Variants in CDH13 observed in about 807,000 individuals in gnomAD.
CDH13 encodes cadherin-13.
A neutral mutation model predicts 63.8 loss-of-function variants in CDH13; 24 were observed. The ratio of observed to expected loss-of-function variants is 0.38; its 90% confidence interval spans 0.27 to 0.53. CDH13 has a LOEUF of 0.53. Ranked by LOEUF, CDH13 falls within the 20% of genes least tolerant of loss-of-function variation. The probability of loss-of-function intolerance (pLI) is 0.85; values close to 1 mark genes in which losing one functional copy is unlikely to be tolerated. For missense variants in CDH13, 1,049 were observed against 903.1 expected (o/e 1.16, Z -2.07); for synonymous variants, 503 against 355.3 (o/e 1.42, Z -4.67).
At chr16:83,318,272 T>C (rs991669199) in intron 5 of CDH13, among the ~76,000 whole-genome samples, 4 of 152,148 alleles carry the variant, frequency 2.6e-5, no homozygotes, top group African/African-American at 9.7e-5. Flanking sequence ...TCTAGGGAAA[T>C]TGGGCCCCTT....
At position 83,109,327 on chromosome 16, in the gene CDH13, G is replaced by A. The variant is rs192694325; in HGVS notation, c.367-16058G>A. On this transcript the variant is annotated intron_variant, in intron 3 of 13. Coordinates refer to ENST00000567109, the MANE Select transcript of CDH13 (RefSeq NM_001257.5). ...GAACCAAAGAAGCCTTTCATACGATGTGAGTGTCTAACCCCTCAACTGCTG... is the reference window on the plus strand; with the variant it reads ...GAACCAAAGAAGCCTTTCATACGATATGAGTGTCTAACCCCTCAACTGCTG... 6.6e-5 allele frequency among the ~76,000 whole-genome samples: 10 copies of A among 152,266 alleles called. No homozygotes were observed. The East Asian group carries it at 1.9e-3, about 29-fold the overall frequency.
chr16:83,568,934 C>G (rs184968486), intron 7 of CDH13, among the ~76,000 whole-genome samples: 3 of 152,076 alleles, frequency 2.0e-5, no homozygotes, highest in East Asian at 1.9e-4. Context: ...CATCCATTCT[C>G]TCACTGCCTC....
chr16:83,611,896 G>A (rs576606286), intron 8 of CDH13, among the ~76,000 whole-genome samples: 5 of 152,128 alleles, frequency 3.3e-5, no homozygotes, highest in African/African-American at 1.2e-4. Flanking sequence ...TATGATTACA[G>A]TCCTTTGACA....
rs142830820 is a variant in CDH13 at position 82,974,127 on chromosome 16, C to A, written c.158-57883C>A. On this transcript the variant is annotated intron_variant, in intron 2 of 13. Transcript: ENST00000567109. ...TTTGTTTTTGTATTTTCAGTAGAGA[C>A]AGGGTTTCAGCACGTTGGCCAGGCT... Among the ~76,000 whole-genome samples the A allele has an allele frequency of 2.0e-3, 299 of 152,216 alleles. 4 individuals carry two copies. The highest frequency in any genetic ancestry group is 0.015 in the East Asian group (80 of 5,178).
intron 3 of CDH13, among the ~76,000 whole-genome samples, chr16:83,078,881 G>T (rs938360521): frequency 1.3e-5 from 2 of 152,000 alleles, no homozygotes; most frequent in African/African-American, 4.8e-5. Flanking sequence ...TGCAACCTCC[G>T]CCTCCCAGGT....
chr16:83,154,341 G>T (rs2037117337), intron 4 of CDH13, among the ~76,000 whole-genome samples: 1 of 152,054 alleles, frequency 6.6e-6, no homozygotes, highest in Non-Finnish European at 1.5e-5. Context: ...GGGTTCACAA[G>T]GTCAGGAGAT....
At chr16:83,392,353 T>G (rs905786292) in intron 6 of CDH13, among the ~76,000 whole-genome samples, 1 of 152,340 alleles carries the variant, frequency 6.6e-6, no homozygotes, top group East Asian at 1.9e-4. Context: ...GGCTATTATA[T>G]ATAACTTATA....
At chr16:83,344,039 C>T (rs1452013911) in intron 5 of CDH13, among the ~76,000 whole-genome samples, 1 of 152,112 alleles carries the variant, frequency 6.6e-6, no homozygotes, top group African/African-American at 2.4e-5. Context: ...TACTAGGATT[C>T]CAAATGCAGA....
At chr16:82,894,505 G>C (rs1299472681) in intron 2 of CDH13, among the ~76,000 whole-genome samples, 1 of 152,126 alleles carries the variant, frequency 6.6e-6, no homozygotes, top group Non-Finnish European at 1.5e-5. Flanking sequence ...AGCCAGGCAT[G>C]GTGGCGTGCA....
chr16:83,275,116 A>G (rs1567556835), intron 5 of CDH13, among the ~76,000 whole-genome samples: 1 of 152,202 alleles, frequency 6.6e-6, no homozygotes, highest in African/African-American at 2.4e-5. Context: ...TTCCTAGAAC[A>G]GTGCCTGGTA....
chr16:82,726,567 A>G (rs1202004296), intron 1 of CDH13, among the ~76,000 whole-genome samples: 2 of 152,204 alleles, frequency 1.3e-5, no homozygotes, highest in Non-Finnish European at 2.9e-5. Context: ...TACAGTCTGC[A>G]TCTGTTGCAG....
chr16:83,015,348 A>G (rs887203818), intron 2 of CDH13, among the ~76,000 whole-genome samples: 1 of 151,950 alleles, frequency 6.6e-6, no homozygotes, highest in Admixed American at 6.6e-5. Context: ...CAATTCAGTG[A>G]TCAATAGAAT....
intron 1 of CDH13, among the ~76,000 whole-genome samples, chr16:82,784,836 A>C (rs2035927839): frequency 6.6e-6 from 1 of 152,176 alleles, no homozygotes; most frequent in Non-Finnish European, 1.5e-5. Flanking sequence ...CCAGCAGCTG[A>C]AAAGTCCTTA....
chr16:83,406,383 C>G lies in CDH13; in HGVS notation c.781+61377C>G, dbSNP rs182126702. 7.6e-4 allele frequency among the ~76,000 whole-genome samples: 115 copies of G among 152,196 alleles called. 1 individual carries two copies. Among genetic ancestry groups the G allele is most frequent in the Middle Eastern group, 3.4e-3 (1 of 294 alleles). On this transcript the variant is annotated intron_variant, in intron 6 of 13. Coordinates refer to ENST00000567109, the MANE Select transcript of CDH13 (RefSeq NM_001257.5). ...TTGTCTCAGGCTCAGCCTGGAGGAG[C>G]CCAAGTTAGAATGGAACCCCAGCTC...
intron 2 of CDH13, among the ~76,000 whole-genome samples, chr16:82,948,332 T>A (rs1402246267): frequency 1.3e-5 from 2 of 152,174 alleles, no homozygotes; most frequent in African/African-American, 4.8e-5. Context: ...AATACATTAA[T>A]CTCAGTCTAA....
At chr16:83,048,542 A>G (rs1050264229) in intron 3 of CDH13, among the ~76,000 whole-genome samples, 13 of 152,066 alleles carry the variant, frequency 8.5e-5, no homozygotes, top group African/African-American at 3.1e-4. Context: ...AGTAAGTTGT[A>G]CTCTAGTGCC....
At chr16:83,237,114 C>A (rs1002798258) in intron 5 of CDH13, among the ~76,000 whole-genome samples, 2 of 152,116 alleles carry the variant, frequency 1.3e-5, no homozygotes, top group African/African-American at 4.8e-5. Context: ...GTGGCATGGG[C>A]AGCTTTTATG....
chr16:83,761,989 C>T (rs1010525600), intron 11 of CDH13, among the ~76,000 whole-genome samples: 1 of 152,070 alleles, frequency 6.6e-6, no homozygotes, highest in Non-Finnish European at 1.5e-5. Flanking sequence ...ATCGCTTGAC[C>T]CTGGGAGGCA....
intron 3 of CDH13, among the ~76,000 whole-genome samples, chr16:83,049,224 A>G (rs1227251356): frequency 6.6e-6 from 1 of 152,044 alleles, no homozygotes; most frequent in African/African-American, 2.4e-5. Context: ...TATACCTGTT[A>G]AGCATGTTCT....
Sources: allele counts gnomAD v4.1 joint callset (sites outside exome capture counted in the v4.1 genomes callset), GRCh38; gene constraint gnomAD v4.1.1; transcripts MANE v1.5; gene names NCBI Gene and HGNC (gene_info 2026-07-23, HGNC 2026-07-21).